The following DPP10 variants were observed in gnomAD, a reference collection of about 807,000 sequenced individuals.
DPP10 encodes the protein inactive dipeptidyl peptidase 10.
In DPP10, 33 loss-of-function variants were observed where a neutral mutation model predicts 120.9. The ratio of observed to expected loss-of-function variants is 0.27; its 90% confidence interval spans 0.21 to 0.37. The LOEUF is 0.37. Among genes scored for constraint, DPP10 ranks in the 10% least tolerant of loss-of-function variants. DPP10 has a pLI of 1.00. For synonymous variants in DPP10, 337 were observed against 326.1 expected (o/e 1.03, Z -0.36); for missense variants, 816 against 942.8 (o/e 0.87, Z 1.76).
At chr2:115,016,757 T>C (rs190485600) in intron 1 of DPP10, among the ~76,000 whole-genome samples, 2 of 151,348 alleles carry the variant, frequency 1.3e-5, no homozygotes, top group East Asian at 3.9e-4. Flanking sequence ...AAAAAATGCA[T>C]GTATGTTTAT....
intron 5 of DPP10, among the ~76,000 whole-genome samples, chr2:115,618,159 T>C (rs2084671127): frequency 6.6e-6 from 1 of 152,178 alleles, no homozygotes; most frequent in Non-Finnish European, 1.5e-5. Flanking sequence ...GATGGTCTCC[T>C]GATGAGTTAG....
At chr2:114,999,280 A>G (rs1701287503) in intron 1 of DPP10, among the ~76,000 whole-genome samples, 1 of 152,152 alleles carries the variant, frequency 6.6e-6, no homozygotes, top group Non-Finnish European at 1.5e-5. Context: ...ATATAGGCAA[A>G]GAGAGAGGTT....
At chr2:115,360,273 G>C (rs960065214) in intron 3 of DPP10, among the ~76,000 whole-genome samples, 2 of 152,116 alleles carry the variant, frequency 1.3e-5, no homozygotes, top group Admixed American at 6.6e-5. Flanking sequence ...ATTTGGATGA[G>C]GCATTTTGTT....
intron 1 of DPP10, among the ~76,000 whole-genome samples, chr2:114,495,516 A>C (rs1383214111): frequency 3.3e-5 from 5 of 152,178 alleles, no homozygotes; most frequent in African/African-American, 9.7e-5. Flanking sequence ...CTATCATCTT[A>C]AAAAAATCTG....
intron 1 of DPP10, among the ~76,000 whole-genome samples, chr2:114,579,303 A>G (rs7601855): frequency 0.012 from 1,842 of 152,264 alleles, 41 homozygotes; most frequent in African/African-American, 0.042. Flanking sequence ...CAGCGCCCAC[A>G]GCTCAGTGGC....
chr2:114,685,446 C>A (rs1055001921), intron 1 of DPP10, among the ~76,000 whole-genome samples: 1 of 151,920 alleles, frequency 6.6e-6, no homozygotes, highest in Non-Finnish European at 1.5e-5. Context: ...GACCTAAGAC[C>A]TATGTTTACC....
chr2:115,233,633 G>A (rs140407814), intron 1 of DPP10, among the ~76,000 whole-genome samples: 2 of 152,106 alleles, frequency 1.3e-5, no homozygotes. Flanking sequence ...TTTTCTTAGG[G>A]ACTCTGGGTC....
At chr2:115,594,741 A>C (rs961973970) in intron 5 of DPP10, among the ~76,000 whole-genome samples, 1 of 152,182 alleles carries the variant, frequency 6.6e-6, no homozygotes, top group African/African-American at 2.4e-5. Flanking sequence ...GAATCAAAGC[A>C]AAACAACTGT....
At chr2:115,267,859 C>G (rs1300671512) in intron 1 of DPP10, among the ~76,000 whole-genome samples, 1 of 152,160 alleles carries the variant, frequency 6.6e-6, no homozygotes, top group Non-Finnish European at 1.5e-5. Context: ...TTATCCTTCT[C>G]TGTCTTATTT....
intron 1 of DPP10, among the ~76,000 whole-genome samples, chr2:114,576,766 G>A (rs1199079398): frequency 1.3e-5 from 2 of 152,152 alleles, no homozygotes; most frequent in Non-Finnish European, 1.5e-5. Flanking sequence ...CATCTGCTCT[G>A]CAAGACAGAC....
chr2:115,508,643 G>A (rs555921095), intron 4 of DPP10, among the ~76,000 whole-genome samples: 27 of 152,252 alleles, frequency 1.8e-4, no homozygotes, highest in African/African-American at 6.3e-4. Context: ...AATGGCTCAC[G>A]CCTGTAATCC....
intron 5 of DPP10, among the ~76,000 whole-genome samples, chr2:115,617,948 A>C (rs72945990): frequency 6.6e-6 from 1 of 152,138 alleles, no homozygotes; most frequent in Non-Finnish European, 1.5e-5. Context: ...CTCTCTCTCT[A>C]ATTTTATTGT....
intron 1 of DPP10, among the ~76,000 whole-genome samples, chr2:115,082,591 T>G (rs1021624637): frequency 1.3e-5 from 2 of 152,240 alleles, no homozygotes; most frequent in African/African-American, 4.8e-5. Context: ...GGATATAATC[T>G]GAGTAGTCTC....
At chr2:115,211,072 G>A (rs1046482180) in intron 1 of DPP10, among the ~76,000 whole-genome samples, 2 of 151,960 alleles carry the variant, frequency 1.3e-5, no homozygotes, top group Non-Finnish European at 2.9e-5. Context: ...TTCAATTTTT[G>A]TATTATATTT....
intron 1 of DPP10, among the ~76,000 whole-genome samples, chr2:114,795,679 A>G (rs2106257474): frequency 6.6e-6 from 1 of 152,232 alleles, no homozygotes; most frequent in East Asian, 1.9e-4. Context: ...ATGTTTAGAG[A>G]TTTGTGACAA....
At position 114,464,501 on chromosome 2, in the gene DPP10, C is replaced by T. The variant is rs78419023; in HGVS notation, c.60+21663C>T. 2.5e-4 allele frequency among the ~76,000 whole-genome samples: 38 copies of T among 152,154 alleles called. 3 individuals are homozygous for T. In the East Asian group the frequency reaches 7.1e-3, roughly 29 times the overall value. On this transcript the variant is annotated intron_variant, in intron 1 of 25. Transcript: ENST00000410059. ...CTAAAGAAATATTTCAGATACATATCGTTTATTAGATATGGTTGTTGAAAA... is the reference window on the plus strand; with the variant it reads ...CTAAAGAAATATTTCAGATACATATTGTTTATTAGATATGGTTGTTGAAAA...
chr2:114,966,248 A>C (rs1202992430), intron 1 of DPP10, among the ~76,000 whole-genome samples: 1 of 152,130 alleles, frequency 6.6e-6, no homozygotes. Context: ...GCCCAAACTC[A>C]CGTTAAAATT....
chr2:114,478,123 A>G (rs1455886931), intron 1 of DPP10, among the ~76,000 whole-genome samples: 1 of 152,020 alleles, frequency 6.6e-6, no homozygotes, highest in Non-Finnish European at 1.5e-5. Flanking sequence ...AACCACACAG[A>G]CAGTATAAAA....
intron 1 of DPP10, among the ~76,000 whole-genome samples, chr2:114,482,914 C>A (rs1428659564): frequency 6.6e-6 from 1 of 152,168 alleles, no homozygotes; most frequent in Non-Finnish European, 1.5e-5. Context: ...AGCAAAGTCT[C>A]CACAACATCT....
Sources: allele counts gnomAD v4.1 joint callset (sites outside exome capture counted in the v4.1 genomes callset), GRCh38; gene constraint gnomAD v4.1.1; transcripts MANE v1.5; gene names NCBI Gene and HGNC (gene_info 2026-07-23, HGNC 2026-07-21).